SLCO1B3: variants seen among roughly 807,000 people sequenced by gnomAD.
The protein encoded by SLCO1B3 is solute carrier organic anion transporter family member 1B3.
In SLCO1B3, 72 loss-of-function variants were observed where a neutral mutation model predicts 71.8. The ratio of observed to expected loss-of-function variants is 1.00; its 90% CI spans 0.83 to 1.22. The LOEUF (loss-of-function observed/expected upper bound fraction) is 1.22. Ranked by LOEUF, SLCO1B3 falls within the 50% of genes most tolerant of loss-of-function variation. The pLI, the probability that SLCO1B3 is intolerant of heterozygous loss-of-function variation, is 0.00. For missense variants in SLCO1B3, 911 were observed against 819.7 expected (o/e 1.11, Z -1.36); for synonymous variants, 298 against 278.4 (o/e 1.07, Z -0.70).
intron 13 of SLCO1B3, among the ~76,000 whole-genome samples, chr12:20,889,425 C>A (rs559015476): frequency 6.6e-6 from 1 of 151,910 alleles, no homozygotes; most frequent in Non-Finnish European, 1.5e-5. Context: ...CTGGTTCAAA[C>A]GTGTGAGGTT....
chr12:20,916,126 G>T lies in SLCO1B3; in HGVS notation c.1988G>T (p.Arg663Ile). ...GATACCAAGGCATCGGACAATGAAA[G>T]AAAAGTAATGGATGAAGCAAACTTA... ...GKDTKASDNERKVMDEANLEF... is the reference protein window; with the variant it reads ...GKDTKASDNEIKVMDEANLEF... Residue 663 changes from arginine (R) to isoleucine (I), a missense_variant, in exon 16 of 16, where the codon AGA (arginine) becomes ATA (isoleucine). By Grantham distance (97) the Arg-to-Ile change is moderately conservative. Transcript: ENST00000381545. 1 of 1,613,542 alleles carries T rather than the reference G, an allele frequency of 6.2e-7. No individual in the cohort carries two copies. Among genetic ancestry groups the T allele is most frequent in the Non-Finnish European group, 8.5e-7 (1 of 1,179,680 alleles).
chr12:20,853,482 A>G (rs1223637956), intron 3 of SLCO1B3, among the ~76,000 whole-genome samples: 1 of 151,986 alleles, frequency 6.6e-6, no homozygotes, highest in Non-Finnish European at 1.5e-5. Context: ...CTAGGAATGT[A>G]TTCATTTATT....
intron 8 of SLCO1B3, among the ~76,000 whole-genome samples, chr12:20,864,531 T>C (rs1285740907): frequency 6.6e-6 from 1 of 152,184 alleles, no homozygotes; most frequent in Non-Finnish European, 1.5e-5. Context: ...GATGATATGT[T>C]TTATATCTTC....
rs4149113 is a variant in SLCO1B3 at position 20,857,922 on chromosome 12, C to A, written c.227-517C>A. On this transcript the variant is annotated intron_variant, in intron 4 of 15. Transcript: ENST00000381545. ...TCCTCCAGGAAACTTTCACAAAGCC[C>A]CTAATTAATTTAAGCTCCCTATTTC... 1.1e-4 allele frequency among the ~76,000 whole-genome samples: 17 copies of A among 152,102 alleles called. No individual in the cohort carries two copies. In the East Asian group the frequency reaches 3.3e-3, roughly 29 times the overall value.
chr12:20,874,216 G>T (rs1171193949), intron 8 of SLCO1B3, among the ~76,000 whole-genome samples: 1 of 151,962 alleles, frequency 6.6e-6, no homozygotes, highest in Admixed American at 6.6e-5. Context: ...TCACACATTC[G>T]CTCTGTGTTA....
At chr12:20,832,726 G>A (rs923443990) in intron 3 of SLCO1B3, among the ~76,000 whole-genome samples, 8 of 152,004 alleles carry the variant, frequency 5.3e-5, no homozygotes, top group Non-Finnish European at 1.0e-4. Context: ...CTTCTAAAAC[G>A]TTCTTCTTCC....
In SLCO1B3 at chr12:20,877,919, A is replaced by T. The variant is rs982014666; in HGVS notation, c.1118A>T (p.His373Leu). ...CAACAGTACGGTCAGTCTGCATCTC[A>T]TGCTAACTTTTTGTTGGGTAAGACA... ...MEQQYGQSAS[H>L]ANFLLGIITI... The change falls in exon 10 of 16, where the codon CAT becomes CTT. Residue 373 changes from histidine (H) to leucine (L), a missense_variant. Transcript: ENST00000381545. 3.1e-6 allele frequency: 5 copies of T among 1,589,464 alleles called. No individual in the cohort carries two copies. In the African/African-American group the frequency reaches 5.5e-5, roughly 17 times the overall value.
chr12:20,907,656 C>G (rs1042916341), intron 15 of SLCO1B3, among the ~76,000 whole-genome samples: 10 of 151,480 alleles, frequency 6.6e-5, no homozygotes, highest in African/African-American at 2.4e-4. Flanking sequence ...TTACAGGCGC[C>G]CGCCATTACG....
intron 3 of SLCO1B3, among the ~76,000 whole-genome samples, chr12:20,836,080 A>C (rs997395740): frequency 6.6e-6 from 1 of 152,198 alleles, no homozygotes; most frequent in Non-Finnish European, 1.5e-5. Context: ...GCACTTTATA[A>C]AATAATCAGA....
intron 15 of SLCO1B3, chr12:20,901,763 T>C (rs1016570872): frequency 1.3e-5 from 4 of 319,824 alleles, no homozygotes; most frequent in African/African-American, 6.8e-5. Flanking sequence ...GGATTTGTAC[T>C]TGAATCTCTT....
intron 3 of SLCO1B3, among the ~76,000 whole-genome samples, chr12:20,853,610 GTCTC>G (rs973061077): frequency 2.6e-5 from 4 of 151,798 alleles, no homozygotes; most frequent in African/African-American, 7.2e-5. Context: ...AGCTATTTAA[GTCTC>G]TCTCTCTTTT....
At chr12:20,897,122 C>T (rs527701334) in intron 13 of SLCO1B3, among the ~76,000 whole-genome samples, 1 of 152,126 alleles carries the variant, frequency 6.6e-6, no homozygotes, top group African/African-American at 2.4e-5. Context: ...AGAGCCAAAT[C>T]GTATCAGATT....
At chr12:20,823,781 A>T (rs1026029379) in intron 3 of SLCO1B3, among the ~76,000 whole-genome samples, 2 of 152,148 alleles carry the variant, frequency 1.3e-5, no homozygotes, top group African/African-American at 4.8e-5. Flanking sequence ...CTGAGGTCTT[A>T]AGAAAGCTTG....
At chr12:20,820,365 C>G (rs1405357948) in intron 3 of SLCO1B3, among the ~76,000 whole-genome samples, 1 of 152,108 alleles carries the variant, frequency 6.6e-6, no homozygotes, top group Non-Finnish European at 1.5e-5. Context: ...GTTGAACAGT[C>G]CGATTTCCAC....
intron 10 of SLCO1B3, among the ~76,000 whole-genome samples, chr12:20,879,205 C>CTTTT (rs4149166): frequency 0.016 from 1,553 of 95,142 alleles, 71 homozygotes; most frequent in Non-Finnish European, 0.021. Context: ...ACCCTTCTCT[C>CTTTT]TTTTTTTTTT....
chr12:20,853,106 A>G (rs1331159268), intron 3 of SLCO1B3, among the ~76,000 whole-genome samples: 1 of 152,096 alleles, frequency 6.6e-6, no homozygotes, highest in East Asian at 1.9e-4. Flanking sequence ...TATTCCAGGT[A>G]TATATTTTGC....
chr12:20,825,955 A>T (rs552820806), intron 3 of SLCO1B3, among the ~76,000 whole-genome samples: 204 of 152,262 alleles, frequency 1.3e-3, no homozygotes, highest in African/African-American at 4.6e-3. Flanking sequence ...ACTTAATAAG[A>T]ATAACGAATT....
Position 20,854,261 on chromosome 12 carries a change from C to G in SLCO1B3, c.85-767C>G, listed in dbSNP as rs146820121. Reference sequence around the variant, plus strand: ...AGTCATTTGATTCCTATGATAGTCTCCCTGGTTGTTCTGTATATGAATGAA... The same window carrying G: ...AGTCATTTGATTCCTATGATAGTCTGCCTGGTTGTTCTGTATATGAATGAA... On this transcript the variant is annotated intron_variant, in intron 3 of 15. Coordinates refer to ENST00000381545, the MANE Select transcript of SLCO1B3 (RefSeq NM_019844.4). 3.9e-3 allele frequency among the ~76,000 whole-genome samples: 590 copies of G among 151,934 alleles called. 4 individuals are homozygous for G. Among genetic ancestry groups the G allele is most frequent in the African/African-American group, 0.014 (569 of 41,448 alleles).
intron 1 of SLCO1B3, among the ~76,000 whole-genome samples, chr12:20,811,462 T>G (rs918063161): frequency 1.3e-5 from 2 of 152,224 alleles, no homozygotes; most frequent in Non-Finnish European, 2.9e-5. Context: ...TTCTCTCCTC[T>G]GAACAATCTA....
Sources: allele counts gnomAD v4.1 joint callset (sites outside exome capture counted in the v4.1 genomes callset), GRCh38; gene constraint gnomAD v4.1.1; transcripts MANE v1.5; gene names NCBI Gene and HGNC (gene_info 2026-07-23, HGNC 2026-07-21).